Variants in TUSC3 observed in about 807,000 individuals in gnomAD.
TUSC3 encodes the protein dolichyl-diphosphooligosaccharide--protein glycosyltransferase subunit TUSC3.
TUSC3 carries 45 observed loss-of-function variants against 44.8 expected under a neutral mutation model. The ratio of observed to expected loss-of-function variants is 1.00; its 90% confidence interval spans 0.79 to 1.29. The LOEUF is 1.29. Among genes scored for constraint, TUSC3 ranks in the 50% most tolerant of loss-of-function variants. TUSC3 has a pLI of 0.00. For synonymous variants in TUSC3, 212 were observed against 152.9 expected, an observed-to-expected ratio of 1.39 and a Z score of -2.85; for missense variants, 519 against 437.9, an observed-to-expected ratio of 1.19 and a Z score of -1.65.
At chr8:15,622,810 C>T (rs1563139061) in intron 1 of TUSC3, among the ~76,000 whole-genome samples, 1 of 150,864 alleles carries the variant, frequency 6.6e-6, no homozygotes, top group Non-Finnish European at 1.5e-5. Flanking sequence ...CTTGAGCCTT[C>T]TTTTTTTTTA....
chr8:15,722,840 A>C (rs543803005), intron 6 of TUSC3, among the ~76,000 whole-genome samples: 5 of 151,564 alleles, frequency 3.3e-5, no homozygotes, highest in African/African-American at 1.2e-4. Flanking sequence ...ATAAAAAAAA[A>C]CCCTTCTTAC....
intron 1 of TUSC3, among the ~76,000 whole-genome samples, chr8:15,430,659 C>T (rs1159280697): frequency 1.3e-5 from 2 of 151,418 alleles, no homozygotes; most frequent in Non-Finnish European, 1.5e-5. Flanking sequence ...AAATAAAGGG[C>T]ATTCAATTAG....
chr8:15,573,192 CTCTCTCTCTCTA>C (rs1435700517), intron 1 of TUSC3, among the ~76,000 whole-genome samples: 4 of 93,304 alleles, frequency 4.3e-5, no homozygotes, highest in East Asian at 3.8e-4. Flanking sequence ...CTCTCTCTCT[CTCTCTCTCTCTA>C]TATATATATA....
At chr8:15,649,861 G>A (rs186499825) in intron 2 of TUSC3, among the ~76,000 whole-genome samples, 2 of 152,054 alleles carry the variant, frequency 1.3e-5, no homozygotes, top group African/African-American at 2.4e-5. Flanking sequence ...TTGGGGAGAG[G>A]GGGGAGATAA....
intron 1 of TUSC3, among the ~76,000 whole-genome samples, chr8:15,619,649 G>A (rs1032432702): frequency 7.2e-5 from 11 of 151,926 alleles, no homozygotes; most frequent in Non-Finnish European, 1.3e-4. Context: ...CCGCCACCAC[G>A]CCTGGCTAAT....
intron 1 of TUSC3, among the ~76,000 whole-genome samples, chr8:15,573,168 T>TCTTTCCC (rs1563296867): frequency 7.0e-5 from 6 of 85,556 alleles, no homozygotes; most frequent in African/African-American, 3.0e-4. Flanking sequence ...TTCTCTCTCT[T>TCTTTCCC]TCTCTCTCTC....
intron 6 of TUSC3, among the ~76,000 whole-genome samples, chr8:15,721,916 T>C (rs1190460095): frequency 2.0e-5 from 3 of 151,962 alleles, no homozygotes; most frequent in African/African-American, 4.8e-5. Context: ...TATACAAATA[T>C]ATAGTATAGT....
chr8:15,758,075 G>A (rs1812006876), intron 10 of TUSC3: 2 of 1,327,946 alleles, frequency 1.5e-6, no homozygotes, highest in Non-Finnish European at 1.9e-6. Flanking sequence ...CTGACACGTG[G>A]AGTTAATCAT....
intron 2 of TUSC3, among the ~76,000 whole-genome samples, chr8:15,642,096 A>G (rs891318093): frequency 2.6e-5 from 4 of 152,194 alleles, no homozygotes; most frequent in African/African-American, 9.7e-5. Flanking sequence ...AGTGTTTAGC[A>G]TAAGATATTC....
chr8:15,526,582 C>A (rs1801375752), intron 2 of TUSC3, among the ~76,000 whole-genome samples: 1 of 152,142 alleles, frequency 6.6e-6, no homozygotes, highest in Non-Finnish European at 1.5e-5. Flanking sequence ...TAATGGGTTT[C>A]CCCTTTCTCT....
chr8:15,711,846 A>G (rs948446395), intron 6 of TUSC3, among the ~76,000 whole-genome samples: 5 of 151,880 alleles, frequency 3.3e-5, no homozygotes, highest in African/African-American at 1.2e-4. Flanking sequence ...TTCAGAGTAT[A>G]TTTTAAAATA....
At chr8:15,799,323 T>C in the TUSC3 span, among the ~76,000 whole-genome samples, 1 of 152,124 alleles carries the variant, frequency 6.6e-6, no homozygotes, top group East Asian at 1.9e-4. Context: ...CAAAGTTTCC[T>C]CCTTTCACAC....
At chr8:15,424,914 C>T (rs544134005) in intron 1 of TUSC3, among the ~76,000 whole-genome samples, 62 of 151,684 alleles carry the variant, frequency 4.1e-4, no homozygotes, top group African/African-American at 1.4e-3. Context: ...GTGCCCTCCA[C>T]AATTGCTAGC....
chr8:15,817,281 A>G, the TUSC3 span, among the ~76,000 whole-genome samples: 1 of 152,240 alleles, frequency 6.6e-6, no homozygotes, highest in African/African-American at 2.4e-5. Flanking sequence ...TGGCTGTCCC[A>G]CTTACTCTCT....
intron 1 of TUSC3, among the ~76,000 whole-genome samples, chr8:15,559,512 G>C (rs201081845): frequency 1.6e-5 from 2 of 127,940 alleles, no homozygotes; most frequent in African/African-American, 5.7e-5. Context: ...GTAGATGTCT[G>C]TTAGGTCCGC....
chr8:15,582,498 A>G (rs7006497), intron 1 of TUSC3, among the ~76,000 whole-genome samples: 3,890 of 152,358 alleles, frequency 0.026, 176 homozygotes, highest in African/African-American at 0.088. Context: ...GTTTCTAAAA[A>G]TTTATGTTTA....
chr8:15,497,244 C>A (rs923676623), intron 2 of TUSC3, among the ~76,000 whole-genome samples: 1 of 152,144 alleles, frequency 6.6e-6, no homozygotes, highest in Non-Finnish European at 1.5e-5. Context: ...AGAGTGTTAG[C>A]GTCTGCTTCC....
intron 1 of TUSC3, among the ~76,000 whole-genome samples, chr8:15,588,380 A>G (rs974786879): frequency 1.3e-5 from 2 of 151,864 alleles, no homozygotes; most frequent in Admixed American, 6.6e-5. Context: ...GTCTATTCAG[A>G]TCTTTTGCTC....
At chr8:15,478,122 A>G (rs984441522) in intron 1 of TUSC3, among the ~76,000 whole-genome samples, 1 of 151,888 alleles carries the variant, frequency 6.6e-6, no homozygotes, top group Non-Finnish European at 1.5e-5. Flanking sequence ...ATGCCCAGCT[A>G]ACTTTTGTAT....
Sources: gnomAD v4.1 joint callset for allele counts (sites outside exome capture counted in the v4.1 genomes callset) on GRCh38, gnomAD v4.1.1 for gene constraint, MANE v1.5 for transcripts, NCBI Gene and HGNC (gene_info 2026-07-23, HGNC 2026-07-21) for gene names.